Variants in GAPVD1 observed in about 807,000 individuals in gnomAD.
GAPVD1 encodes GTPase-activating protein and VPS9 domain-containing protein 1.
A neutral mutation model predicts 155.5 loss-of-function variants in GAPVD1; 35 were observed. That is an observed-to-expected ratio of 0.23 (90% confidence interval 0.17 to 0.30). The LOEUF (loss-of-function observed/expected upper bound fraction) is 0.30. Among genes scored for constraint, GAPVD1 ranks in the 10% least tolerant of loss-of-function variants. GAPVD1 has a pLI of 1.00. For missense variants in GAPVD1, 1,429 were observed against 1,775.7 expected, an observed-to-expected ratio of 0.80 and a Z score of 3.51; for synonymous variants, 636 against 619.7, an observed-to-expected ratio of 1.03 and a Z score of -0.39.
intron 13 of GAPVD1, among the ~76,000 whole-genome samples, chr9:125,331,257 G>A (rs1846028403): frequency 6.6e-6 from 1 of 151,548 alleles, no homozygotes; most frequent in African/African-American, 2.4e-5. Context: ...CTGGAGTGCA[G>A]TGGTGCAATC....
chr9:125,353,110 G>GAAA (rs1043914029), intron 23 of GAPVD1, among the ~76,000 whole-genome samples: 1 of 139,738 alleles, frequency 7.2e-6, no homozygotes, highest in Non-Finnish European at 1.6e-5. Flanking sequence ...TCTGTCTCAA[G>GAAA]AAAAAAAAAA....
chr9:125,267,405 C>T (rs990213407), intron 1 of GAPVD1, among the ~76,000 whole-genome samples: 3 of 151,832 alleles, frequency 2.0e-5, no homozygotes, highest in Non-Finnish European at 4.4e-5. Flanking sequence ...TGCTACCACA[C>T]CCGGTTAATT....
chr9:125,293,880 A>AAATATATTTT (rs1564312137), intron 2 of GAPVD1, among the ~76,000 whole-genome samples: 1 of 20,396 alleles, frequency 4.9e-5, no homozygotes, highest in Non-Finnish European at 9.7e-5. Flanking sequence ...ATATATATAT[A>AAATATATTTT]TATATATATA....
chr9:125,285,886 G>A (rs1392088170), intron 2 of GAPVD1, among the ~76,000 whole-genome samples: 3 of 152,024 alleles, frequency 2.0e-5, no homozygotes, highest in Non-Finnish European at 4.4e-5. Flanking sequence ...TTGGCTTACT[G>A]CAGCATTGAC....
intron 1 of GAPVD1, chr9:125,264,204 T>C: frequency 3.3e-6 from 2 of 611,824 alleles, no homozygotes; most frequent in Non-Finnish European, 5.9e-6. Context: ...TTTTGTTTTG[T>C]TTTGTTTTGA....
chr9:125,291,734 G>A lies in GAPVD1; in HGVS notation c.-149-3724G>A, dbSNP rs1225442315. ...GACCCATAGTGTGAAGGATATGGGA[G>A]AGAAAACAGCCTTACCTAAGAGGTC... On this transcript the variant is annotated intron_variant, in intron 2 of 27. Transcript: ENST00000297933. Among the ~76,000 whole-genome samples the A allele has an allele frequency of 3.3e-5, 5 of 152,286 alleles. No homozygotes were observed. The East Asian group carries it at 9.6e-4, about 29-fold the overall frequency.
At position 125,346,815 on chromosome 9, in the gene GAPVD1, G is replaced by A; in HGVS notation, c.3047-4G>A. 1 of 1,613,022 alleles carries A rather than the reference G, an allele frequency of 6.2e-7. No homozygotes were observed. Among genetic ancestry groups the A allele is most frequent in the Non-Finnish European group, 8.5e-7 (1 of 1,178,988 alleles). ...TAATTCTCTCACTCTCCTTTCCCTT[G>A]CAGATGATCCCAGCCCTAGACTCAG... On this transcript the variant is annotated splice_region_variant and splice_polypyrimidine_tract_variant and intron_variant, in intron 19 of 27. Transcript: ENST00000297933.
At chr9:125,305,230 T>G in intron 6 of GAPVD1, 81 bp downstream of exon 6, 3 of 874,380 alleles carry the variant, frequency 3.4e-6, no homozygotes, top group Non-Finnish European at 5.6e-6. Flanking sequence ...TGTCCTTAGG[T>G]GATATCTAAA....
intron 2 of GAPVD1, among the ~76,000 whole-genome samples, chr9:125,282,616 C>T (rs1038694023): frequency 1.3e-5 from 2 of 152,096 alleles, no homozygotes; most frequent in African/African-American, 2.4e-5. Flanking sequence ...TGTCTCATTG[C>T]CCCTAGGAAA....
chr9:125,311,419 C>T (rs1003750119), intron 8 of GAPVD1, among the ~76,000 whole-genome samples: 1 of 152,178 alleles, frequency 6.6e-6, no homozygotes, highest in African/African-American at 2.4e-5. Context: ...ATCAGGAGTT[C>T]AAGACCAGCC....
intron 2 of GAPVD1, among the ~76,000 whole-genome samples, chr9:125,274,942 A>G (rs1835521782): frequency 6.6e-6 from 1 of 152,268 alleles, no homozygotes; most frequent in East Asian, 1.9e-4. Context: ...CTCTTGCTCC[A>G]GCGTTTAACT....
chr9:125,298,999 C>T lies in GAPVD1; in HGVS notation c.78C>T (p.Leu26=), dbSNP rs750045555. The change falls in exon 4 of 28, where the codon CTC becomes CTT. Residue 26 remains leucine (L), a synonymous_variant. Transcript: ENST00000297933. The part of the protein sequence containing the change: ...ERLYVNSEKQ[L]IQRLNADVLK... ...TATATGTAAACTCTGAGAAACAGCT[C>T]ATTCAGAGGCTCAATGCAGATGTAC... is the stretch of plus-strand genomic sequence containing the variant. The T allele has an allele frequency of 6.2e-7, 1 of 1,609,558 alleles. No homozygotes were observed.
chr9:125,361,055 G>A (rs1874943), intron 27 of GAPVD1, among the ~76,000 whole-genome samples: 73,836 of 151,724 alleles, frequency 0.49, 18,148 homozygotes, highest in Middle Eastern at 0.57. Context: ...CTAGAGACAG[G>A]GTTTCGCCAT....
At chr9:125,275,987 T>C (rs937014221) in intron 2 of GAPVD1, among the ~76,000 whole-genome samples, 8 of 152,216 alleles carry the variant, frequency 5.3e-5, no homozygotes, top group African/African-American at 1.9e-4. Flanking sequence ...TAATTATTTT[T>C]GTAGTTATTC....
intron 2 of GAPVD1, among the ~76,000 whole-genome samples, chr9:125,288,246 G>T (rs1295461033): frequency 3.3e-5 from 5 of 151,754 alleles, no homozygotes; most frequent in Non-Finnish European, 7.4e-5. Context: ...TGAGTAACTG[G>T]ATTTATAGGC....
chr9:125,344,073 T>A (rs1265078384), intron 19 of GAPVD1, among the ~76,000 whole-genome samples: 2 of 152,192 alleles, frequency 1.3e-5, no homozygotes, highest in African/African-American at 4.8e-5. Context: ...TTTCTTTGGC[T>A]GTGATTCAAG....
At chr9:125,315,219 C>T (rs148923202) in intron 9 of GAPVD1, among the ~76,000 whole-genome samples, 185 of 152,162 alleles carry the variant, frequency 1.2e-3, no homozygotes, top group African/African-American at 4.1e-3. Context: ...GACATGATAC[C>T]CCATAGGGAA....
chr9:125,275,427 A>G (rs891430572), intron 2 of GAPVD1, among the ~76,000 whole-genome samples: 1 of 152,112 alleles, frequency 6.6e-6, no homozygotes, highest in Non-Finnish European at 1.5e-5. Flanking sequence ...TGAGTGTACC[A>G]TTACTTATTT....
intron 2 of GAPVD1, among the ~76,000 whole-genome samples, chr9:125,269,454 C>T (rs796987334): frequency 5.7e-4 from 87 of 151,988 alleles, no homozygotes; most frequent in African/African-American, 2.1e-3. Context: ...TCAACTTTAA[C>T]TCCTTAAGTA....
Sources: gnomAD v4.1 joint callset for allele counts (sites outside exome capture counted in the v4.1 genomes callset) on GRCh38, gnomAD v4.1.1 for gene constraint, MANE v1.5 for transcripts, NCBI Gene and HGNC (gene_info 2026-07-23, HGNC 2026-07-21) for gene names.